DIS3L2: variants seen among roughly 807,000 people sequenced by gnomAD.
DIS3L2 encodes the protein DIS3 like 3'-5' exoribonuclease 2.
DIS3L2 carries 34 observed loss-of-function variants against 97.5 expected under a neutral mutation model. The ratio of observed to expected loss-of-function variants is 0.35; its 90% CI spans 0.27 to 0.46. The LOEUF (loss-of-function observed/expected upper bound fraction) is 0.46. Among genes scored for constraint, DIS3L2 ranks in the 20% least tolerant of loss-of-function variants. DIS3L2 has a pLI of 1.00. For synonymous variants in DIS3L2, 435 were observed against 445.2 expected (o/e 0.98, Z 0.29); for missense variants, 1,038 against 1,146.0 (o/e 0.91, Z 1.36).
At chr2:232,011,243 G>T (rs1694190173) in intron 1 of DIS3L2, among the ~76,000 whole-genome samples, 2 of 152,168 alleles carry the variant, frequency 1.3e-5, no homozygotes. Context: ...ATTGGAAACT[G>T]GCCCGTGCTT....
rs960744302 is a variant in DIS3L2 at position 232,270,884 on chromosome 2, C to T, written c.1659+7444C>T. On this transcript the variant is annotated intron_variant, in intron 13 of 20. Transcript: ENST00000325385. ...CGTCTCTCTCTCTCTCTCTCTCTCT[C>T]TCTCTCTCTCTCTCTCTCTCTCTCT... is the stretch of plus-strand genomic sequence containing the variant. Among the ~76,000 whole-genome samples, 12 of 146,128 alleles carry T rather than the reference C, an allele frequency of 8.2e-5. No homozygotes were observed. The East Asian group carries it at 1.0e-3, about 12-fold the overall frequency.
At chr2:232,234,493 G>A (rs536474458) in intron 10 of DIS3L2, among the ~76,000 whole-genome samples, 4 of 152,332 alleles carry the variant, frequency 2.6e-5, no homozygotes, top group Non-Finnish European at 5.9e-5. Context: ...GGGACTACAG[G>A]CATGCGCCAC....
intron 6 of DIS3L2, among the ~76,000 whole-genome samples, chr2:232,115,970 A>G (rs1352900329): frequency 6.6e-6 from 1 of 152,080 alleles, no homozygotes; most frequent in Non-Finnish European, 1.5e-5. Flanking sequence ...TCAGGAGCAC[A>G]AGACCAGCCT....
chr2:232,166,011 C>T (rs1024070342), intron 9 of DIS3L2, among the ~76,000 whole-genome samples: 1 of 151,574 alleles, frequency 6.6e-6, no homozygotes, highest in South Asian at 2.1e-4. Context: ...ATTTCTTTGA[C>T]CTTTATTGCC....
chr2:232,320,584 A>G lies in DIS3L2; in HGVS notation c.1740-9229A>G, dbSNP rs1375058651. 3.3e-5 allele frequency among the ~76,000 whole-genome samples: 5 copies of G among 152,262 alleles called. No individual in the cohort carries two copies. In the East Asian group the frequency reaches 9.7e-4, roughly 29 times the overall value. ...ATCTTGGGTTTCTTCTGCCAAGTTC[A>G]TACACCTCTGGTTCAACAGTGATAA... On this transcript the variant is annotated intron_variant, in intron 14 of 20. Transcript: ENST00000325385.
chr2:232,326,347 T>C (rs1430749753), intron 14 of DIS3L2, among the ~76,000 whole-genome samples: 1 of 142,738 alleles, frequency 7.0e-6, no homozygotes, highest in Non-Finnish European at 1.5e-5. Context: ...CCAGGTCCCA[T>C]TTGCAATGGC....
chr2:231,993,506 G>A (rs1025376383), intron 1 of DIS3L2, among the ~76,000 whole-genome samples: 9 of 152,256 alleles, frequency 5.9e-5, no homozygotes, highest in South Asian at 2.1e-4. Context: ...GAGCCACCGC[G>A]CCTGGCTGAG....
intron 6 of DIS3L2, among the ~76,000 whole-genome samples, chr2:232,122,251 C>G (rs1697928486): frequency 6.6e-6 from 1 of 152,138 alleles, no homozygotes; most frequent in Admixed American, 6.5e-5. Context: ...GTGTTTTAGC[C>G]CCTGTGGCAC....
At chr2:232,231,823 T>A (rs1692801390) in intron 10 of DIS3L2, among the ~76,000 whole-genome samples, 1 of 152,224 alleles carries the variant, frequency 6.6e-6, no homozygotes, top group African/African-American at 2.4e-5. Context: ...TCCCTGCCCA[T>A]CATGCTGATT....
intron 10 of DIS3L2, among the ~76,000 whole-genome samples, chr2:232,234,867 C>G (rs1165517558): frequency 6.6e-6 from 1 of 152,190 alleles, no homozygotes; most frequent in Non-Finnish European, 1.5e-5. Flanking sequence ...GGAAGCACTT[C>G]CCCTACCAGA....
intron 13 of DIS3L2, chr2:232,343,209 CAAA>C: frequency 1.3e-6 from 1 of 743,056 alleles, no homozygotes; most frequent in East Asian, 2.6e-5. Flanking sequence ...TTTCCTGTCA[CAAA>C]AAGGCCATGC....
intron 13 of DIS3L2, among the ~76,000 whole-genome samples, chr2:232,296,075 A>G (rs987261881): frequency 2.0e-5 from 3 of 152,194 alleles, no homozygotes; most frequent in African/African-American, 4.8e-5. Context: ...TCTCCACTAG[A>G]TGCCTCCCAG....
At chr2:232,053,593 G>C (rs1232833691) in intron 5 of DIS3L2, among the ~76,000 whole-genome samples, 1 of 152,176 alleles carries the variant, frequency 6.6e-6, no homozygotes, top group African/African-American at 2.4e-5. Flanking sequence ...ATTATTTGGG[G>C]ATTCCCATGG....
At chr2:232,067,770 T>C (rs1428442740) in intron 5 of DIS3L2, among the ~76,000 whole-genome samples, 1 of 152,236 alleles carries the variant, frequency 6.6e-6, no homozygotes, top group Non-Finnish European at 1.5e-5. Context: ...TTTTGCTTTA[T>C]GTGGTTTAAA....
chr2:232,319,293 G>A (rs1695363146), intron 14 of DIS3L2, among the ~76,000 whole-genome samples: 1 of 152,246 alleles, frequency 6.6e-6, no homozygotes, highest in South Asian at 2.1e-4. Flanking sequence ...CTACGTATAA[G>A]CATGTCCTGG....
intron 5 of DIS3L2, among the ~76,000 whole-genome samples, chr2:232,031,488 C>A (rs1370007097): frequency 2.7e-5 from 4 of 148,186 alleles, no homozygotes; most frequent in Non-Finnish European, 5.9e-5. Flanking sequence ...CTGTGAAGTG[C>A]AGGGTTTCTT....
At chr2:232,128,748 G>A (rs1266721418) in intron 6 of DIS3L2, among the ~76,000 whole-genome samples, 1 of 152,042 alleles carries the variant, frequency 6.6e-6, no homozygotes, top group Non-Finnish European at 1.5e-5. Context: ...AGCCACCCAA[G>A]ACCAGCCGAC....
chr2:231,996,527 T>C (rs1267750034), intron 1 of DIS3L2, among the ~76,000 whole-genome samples: 1 of 152,222 alleles, frequency 6.6e-6, no homozygotes, highest in Non-Finnish European at 1.5e-5. Context: ...TGTGGAATTT[T>C]TAAAAATTAT....
intron 6 of DIS3L2, among the ~76,000 whole-genome samples, chr2:232,093,644 A>G (rs556465959): frequency 1.3e-4 from 20 of 152,156 alleles, no homozygotes; most frequent in African/African-American, 3.4e-4. Flanking sequence ...GAATTTATCA[A>G]TTTCCTACAT....
Sources: allele counts gnomAD v4.1 joint callset (sites outside exome capture counted in the v4.1 genomes callset), GRCh38; gene constraint gnomAD v4.1.1; transcripts MANE v1.5; gene names NCBI Gene and HGNC (gene_info 2026-07-23, HGNC 2026-07-21).